RNF128: variants seen among roughly 807,000 people sequenced by gnomAD.
The protein encoded by RNF128 is ring finger protein 128.
RNF128 carries 13 observed loss-of-function variants against 26.2 expected under a neutral mutation model. That is an observed-to-expected ratio of 0.50 (90% confidence interval 0.32 to 0.79). The LOEUF (loss-of-function observed/expected upper bound fraction) is 0.79, where lower values mean the gene tolerates loss of function less well. RNF128 is among the 30% of genes least tolerant of loss of function. The pLI is 0.03. For missense variants in RNF128, 315 were observed against 349.7 expected, an observed-to-expected ratio of 0.90 and a Z score of 0.79; for synonymous variants, 149 against 142.5, an observed-to-expected ratio of 1.05 and a Z score of -0.32.
intron 2 of RNF128, among the ~76,000 whole-genome samples, chrX:106,779,261 A>T (rs1173773116): frequency 9.0e-6 from 1 of 110,926 alleles, no homozygotes; most frequent in African/African-American, 3.3e-5. Context: ...ATTTGTATAT[A>T]TTCAAGGTGT....
chrX:106,694,430 A>G, intron 1 of RNF128: 4 of 1,128,385 alleles, frequency 3.5e-6, no homozygotes, highest in Non-Finnish European at 4.8e-6. Flanking sequence ...TTGATTCACA[A>G]AGAGAGTTAA....
chrX:106,764,461 G>T (rs2147689342), intron 1 of RNF128, among the ~76,000 whole-genome samples: 1 of 109,599 alleles, frequency 9.1e-6, no homozygotes, highest in South Asian at 4.3e-4. Flanking sequence ...GAGGTTAGGG[G>T]TTTGAAACCA....
chrX:106,726,670 C>A, upstream of RNF128: 1 of 1,002,034 alleles, frequency 1.0e-6, no homozygotes. Context: ...CGGAGCTTCA[C>A]GCTAAAGCCC....
chrX:106,759,883 T>A (rs918146084), intron 1 of RNF128, among the ~76,000 whole-genome samples: 6 of 111,296 alleles, frequency 5.4e-5, no homozygotes, highest in African/African-American at 1.6e-4. Context: ...CACAAAAGGG[T>A]GACTGTAGTC....
chrX:106,775,929 A>G (rs758649885), intron 2 of RNF128, among the ~76,000 whole-genome samples: 3 of 112,081 alleles, frequency 2.7e-5, no homozygotes, highest in Non-Finnish European at 3.8e-5. Flanking sequence ...AATTCTGATG[A>G]CTGAATGCTC....
At chrX:106,696,683 C>T (rs1603075424) in intron 1 of RNF128, among the ~76,000 whole-genome samples, 1 of 111,068 alleles carries the variant, frequency 9.0e-6, no homozygotes, top group African/African-American at 3.3e-5. Context: ...CTCTGGCTCC[C>T]CCTACCTCTT....
chrX:106,755,748 G>A (rs1929994865), intron 1 of RNF128, among the ~76,000 whole-genome samples: 2 of 111,390 alleles, frequency 1.8e-5, no homozygotes, highest in South Asian at 3.8e-4. Context: ...AATTAGGCAG[G>A]AGAAGGAAAT....
Position 106,766,165 on chromosome X carries a change from G to T in RNF128, c.485-6748G>T, listed in dbSNP as rs183542505. On this transcript the variant is annotated intron_variant, in intron 1 of 6. Coordinates refer to ENST00000255499, the MANE Select transcript of RNF128 (RefSeq NM_194463.2). ...AGTCTATGCTATTGTGAATAGTGCC[G>T]AAATAAACATACGTGTGCATGTGTC... Among the ~76,000 whole-genome samples, 41 of 111,747 alleles carry T rather than the reference G, an allele frequency of 3.7e-4. No individual in the cohort carries two copies. The East Asian group carries it at 6.4e-3, about 18-fold the overall frequency.
At chrX:106,736,328 G>C (rs1475474555) in intron 1 of RNF128, among the ~76,000 whole-genome samples, 1 of 111,681 alleles carries the variant, frequency 9.0e-6, no homozygotes, top group Non-Finnish European at 1.9e-5. Flanking sequence ...AAACTGTCAA[G>C]TTCCAAGGTT....
At chrX:106,782,982 G>A (rs1205667209) in intron 2 of RNF128, among the ~76,000 whole-genome samples, 1 of 112,010 alleles carries the variant, frequency 8.9e-6, no homozygotes, top group South Asian at 3.7e-4. Context: ...GAAGATATTT[G>A]TGCTGAAATT....
chrX:106,756,781 A>G (rs1249987647), intron 1 of RNF128, among the ~76,000 whole-genome samples: 37 of 101,856 alleles, frequency 3.6e-4, no homozygotes, highest in Non-Finnish European at 6.9e-4. Flanking sequence ...AAAAGAAACT[A>G]CCATCAGAGT....
rs768802300 is a variant in RNF128 at position 106,790,162 on chromosome X, A to G, written c.888-24A>G. The G allele has an allele frequency of 1.5e-5, 15 of 1,029,606 alleles. No individual in the cohort carries two copies. The South Asian group carries it at 3.0e-4, about 21-fold the overall frequency. 84.9% of individuals were successfully genotyped at this position (1,029,606 alleles called of 1,213,427 possible). A position where few individuals can be genotyped will look rare whatever the true frequency, so the allele number is the denominator to read the frequency against. On this transcript the variant is annotated intron_variant, in intron 4 of 6. Transcript: ENST00000255499. Reference sequence around the variant, plus strand: ...AAAGTGTTGCTACTTTACAACTGATAATTATGTTTTTTTCCTGAATTAGCC... The same window carrying G: ...AAAGTGTTGCTACTTTACAACTGATGATTATGTTTTTTTCCTGAATTAGCC...
chrX:106,784,236 T>A (rs1306325549), intron 2 of RNF128, among the ~76,000 whole-genome samples: 2 of 111,606 alleles, frequency 1.8e-5, no homozygotes, highest in African/African-American at 3.3e-5. Flanking sequence ...TCACCTGGGA[T>A]TTTTTCCTCT....
chrX:106,765,786 T>A (rs185664454), intron 1 of RNF128, among the ~76,000 whole-genome samples: 17 of 111,433 alleles, frequency 1.5e-4, no homozygotes, highest in East Asian at 1.1e-3. Flanking sequence ...TCACATATGT[T>A]TACATGTGCC....
chrX:106,764,495 C>T (rs957292336), intron 1 of RNF128, among the ~76,000 whole-genome samples: 3 of 109,872 alleles, frequency 2.7e-5, no homozygotes, highest in Admixed American at 2.0e-4. Flanking sequence ...GGTGAAACCC[C>T]GTCTCTACTA....
At chrX:106,740,952 TG>T (rs1389234694) in intron 1 of RNF128, among the ~76,000 whole-genome samples, 2 of 111,502 alleles carry the variant, frequency 1.8e-5, no homozygotes, top group Non-Finnish European at 3.8e-5. Context: ...AACAGCTTTT[TG>T]TATTTCATAG....
chrX:106,792,562 C>G (rs1235045743), intron 6 of RNF128, among the ~76,000 whole-genome samples: 1 of 111,199 alleles, frequency 9.0e-6, no homozygotes, highest in Non-Finnish European at 1.9e-5. Context: ...AATTCTGTCC[C>G]CTAATTTCCA....
chrX:106,737,935 T>G (rs931755967), intron 1 of RNF128, among the ~76,000 whole-genome samples: 1 of 112,304 alleles, frequency 8.9e-6, no homozygotes, highest in Admixed American at 9.5e-5. Context: ...TGCCATTATT[T>G]TTGCTGCTCC....
At chrX:106,710,715 C>T (rs894441446) in intron 1 of RNF128, among the ~76,000 whole-genome samples, 28 of 92,423 alleles carry the variant, frequency 3.0e-4, no homozygotes, top group South Asian at 5.9e-4. Context: ...CAAGGTGGTG[C>T]CACTGCACTC....
Sources: gnomAD v4.1 joint callset for allele counts (sites outside exome capture counted in the v4.1 genomes callset) on GRCh38, gnomAD v4.1.1 for gene constraint, MANE v1.5 for transcripts, NCBI Gene and HGNC (gene_info 2026-07-23, HGNC 2026-07-21) for gene names.